The following GMCL1 variants were observed in gnomAD, a reference collection of about 807,000 sequenced individuals.
GMCL1 encodes germ cell-less protein-like 1.
In GMCL1, 54 loss-of-function variants were observed where a neutral mutation model predicts 75.5. That is an observed-to-expected ratio of 0.71 (90% CI 0.57 to 0.90). GMCL1 has a LOEUF of 0.90. Ranked by LOEUF, GMCL1 falls within the 40% of genes least tolerant of loss-of-function variation. The pLI, the probability that GMCL1 is intolerant of heterozygous loss-of-function variation, is 0.00. For missense variants in GMCL1, 537 were observed against 622.7 expected (o/e 0.86, Z 1.47); for synonymous variants, 210 against 209.6 (o/e 1.00, Z -0.02).
intron 11 of GMCL1, 133 bp from the exon 12 acceptor site, chr2:69,869,586 C>A: frequency 1.3e-6 from 1 of 760,216 alleles, no homozygotes; most frequent in Non-Finnish European, 2.1e-6. Context: ...AAGAAAAAGT[C>A]ACTGACAAAA....
intron 1 of GMCL1, among the ~76,000 whole-genome samples, chr2:69,836,781 T>C (rs928147125): frequency 6.6e-6 from 1 of 152,202 alleles, no homozygotes; most frequent in African/African-American, 2.4e-5. Context: ...AGTCTTCCTT[T>C]AAATTAAATC....
chr2:69,861,839 T>C (rs1012446832), intron 10 of GMCL1, among the ~76,000 whole-genome samples: 3 of 152,116 alleles, frequency 2.0e-5, no homozygotes, highest in African/African-American at 7.2e-5. Flanking sequence ...TCCCAGCACT[T>C]TGGGAGGCTG....
Position 69,829,934 on chromosome 2 carries a change from A to C in GMCL1, c.42A>C (p.Pro14=). 6.2e-7 allele frequency: 1 copy of C among 1,604,676 alleles called. No individual in the cohort carries two copies. The highest frequency in any genetic ancestry group is 8.5e-7 in the Non-Finnish European group (1 of 1,175,750). ...GCCGGGTGCTGCGCCAGCCAAGACC[A>C]GCCCTTGCCCAGCAGGCGCAGGGTG... ...LSSRVLRQPR[P]ALAQQAQGAR... Residue 14 remains proline (P), a synonymous_variant, in exon 1 of 14, where the codon CCA becomes CCC. Coordinates refer to ENST00000282570, the MANE Select transcript of GMCL1 (RefSeq NM_178439.5).
At position 69,847,502 on chromosome 2, in the gene GMCL1, T is replaced by C. The variant is rs761040569; in HGVS notation, c.759-41T>C. 32 of 1,185,016 alleles carry C rather than the reference T, an allele frequency of 2.7e-5. 1 individual carries two copies. Among genetic ancestry groups the C allele is most frequent in the South Asian group, 2.2e-4 (18 of 82,066 alleles). 73.4% of individuals were successfully genotyped at this position (1,185,016 alleles called of 1,614,324 possible). ...ATTTCTACCAGGATCCTTTAGCCTG[T>C]GCCTAAAGATAAGCTCACTCCCTCT... is the stretch of plus-strand genomic sequence containing the variant. On this transcript the variant is annotated intron_variant, in intron 6 of 13. Transcript: ENST00000282570.
intron 8 of GMCL1, among the ~76,000 whole-genome samples, chr2:69,851,639 A>G (rs1252281972): frequency 6.6e-6 from 1 of 151,932 alleles, no homozygotes; most frequent in Non-Finnish European, 1.5e-5. Context: ...GCGTGGTGGC[A>G]TGTACTTGTC....
At chr2:69,875,756 G>A (rs1390737763) in intron 13 of GMCL1, among the ~76,000 whole-genome samples, 1 of 150,986 alleles carries the variant, frequency 6.6e-6, no homozygotes. Flanking sequence ...ATGCAGTGGC[G>A]TGATCTCAGC....
intron 10 of GMCL1, 104 bp from the exon 11 acceptor site, chr2:69,864,796 T>G (rs1675762099): frequency 1.4e-6 from 1 of 726,210 alleles, no homozygotes; most frequent in African/African-American, 1.8e-5. Flanking sequence ...CAAAAACTTA[T>G]TTTTAAATCT....
rs1674608726 is a variant in GMCL1 at position 69,829,675 on chromosome 2, C to G, written c.-218C>G. Reference sequence around the variant, plus strand: ...TCCGTCCCGCGCTTTGTTGCGAAAGCGAGGGGGCGAGGTGCTGCGGTGCTA... The same window carrying G: ...TCCGTCCCGCGCTTTGTTGCGAAAGGGAGGGGGCGAGGTGCTGCGGTGCTA... On this transcript the variant is annotated 5_prime_UTR_variant, in exon 1 of 14. Coordinates refer to ENST00000282570, the MANE Select transcript of GMCL1 (RefSeq NM_178439.5). 1 of 529,578 alleles carries G rather than the reference C, an allele frequency of 1.9e-6. No individual in the cohort carries two copies. Among genetic ancestry groups the G allele is most frequent in the African/African-American group, 2.0e-5 (1 of 49,304 alleles). The allele number at this position is 529,578 out of a possible 1,614,324, so 32.8% of individuals were successfully genotyped here.
chr2:69,874,900 C>T (rs1157582206), intron 13 of GMCL1, among the ~76,000 whole-genome samples: 1 of 151,950 alleles, frequency 6.6e-6, no homozygotes, highest in East Asian at 1.9e-4. Flanking sequence ...CACCACCATG[C>T]CCAGCTAACT....
chr2:69,833,573 G>A (rs1558535416), intron 1 of GMCL1, among the ~76,000 whole-genome samples: 2 of 152,220 alleles, frequency 1.3e-5, no homozygotes, highest in Admixed American at 6.5e-5. Context: ...CCAAGATTGC[G>A]CCACTGCGCT....
intron 7 of GMCL1, among the ~76,000 whole-genome samples, chr2:69,848,760 T>C (rs530752448): frequency 5.1e-4 from 78 of 152,314 alleles, no homozygotes; most frequent in African/African-American, 1.8e-3. Flanking sequence ...TCTAAGTATT[T>C]ATGTATATTA....
chr2:69,877,607 A>G (rs1279279499), intron 13 of GMCL1, among the ~76,000 whole-genome samples: 1 of 152,172 alleles, frequency 6.6e-6, no homozygotes, highest in East Asian at 1.9e-4. Context: ...CTCTGGTGAC[A>G]CTTGTTAGCA....
intron 8 of GMCL1, among the ~76,000 whole-genome samples, chr2:69,850,786 G>T (rs1675295889): frequency 6.6e-6 from 1 of 152,128 alleles, no homozygotes; most frequent in Non-Finnish European, 1.5e-5. Context: ...TTGATTGCAA[G>T]CTACCAACAT....
At chr2:69,871,515 G>A (rs755342515) in intron 12 of GMCL1, among the ~76,000 whole-genome samples, 7 of 152,136 alleles carry the variant, frequency 4.6e-5, no homozygotes, top group East Asian at 1.9e-4. Flanking sequence ...TAAATGTTAC[G>A]TATATTTTAC....
At chr2:69,858,911 G>A (rs1675557836) in intron 9 of GMCL1, among the ~76,000 whole-genome samples, 1 of 152,072 alleles carries the variant, frequency 6.6e-6, no homozygotes, top group Admixed American at 6.6e-5. Context: ...ACTTTGGAAG[G>A]CCGAGGCAGG....
Position 69,849,750 on chromosome 2 carries a change from T to A in GMCL1, c.934+8T>A, listed in dbSNP as rs1213884203. 2 of 1,531,618 alleles carry A rather than the reference T, an allele frequency of 1.3e-6. No homozygotes were observed. The highest frequency in any genetic ancestry group is 1.8e-6 in the Non-Finnish European group (2 of 1,136,712). The allele number at this position is 1,531,618 out of a possible 1,614,324, so 94.9% of individuals were successfully genotyped here. On this transcript the variant is annotated splice_region_variant and intron_variant, in intron 8 of 13. Coordinates refer to ENST00000282570, the MANE Select transcript of GMCL1 (RefSeq NM_178439.5). ...TTTCTAAACAGAGGAAAGGTAGGCC[T>A]GAAGTTTTTGAGAACTTGTCTTTTA...
chr2:69,875,699 TC>T (rs1676111059), intron 13 of GMCL1, among the ~76,000 whole-genome samples: 1 of 151,590 alleles, frequency 6.6e-6, no homozygotes, highest in Non-Finnish European at 1.5e-5. Flanking sequence ...ATTTTACATT[TC>T]TTTTTTTTTT....
chr2:69,841,058 C>T lies in GMCL1; in HGVS notation c.579+19C>T, dbSNP rs374059488. 71 of 1,556,320 alleles carry T rather than the reference C, an allele frequency of 4.6e-5. No homozygotes were observed. The highest frequency in any genetic ancestry group is 5.5e-5 in the Non-Finnish European group (62 of 1,128,656). ...GCAGTTGGTAAGTATGCACGTTATT[C>T]GAAGAAAGGTTCAGAATAATAATCT... On this transcript the variant is annotated intron_variant, in intron 4 of 13. Transcript: ENST00000282570.
intron 9 of GMCL1, among the ~76,000 whole-genome samples, chr2:69,860,033 C>G (rs1029203579): frequency 1.3e-5 from 2 of 152,090 alleles, no homozygotes; most frequent in Non-Finnish European, 2.9e-5. Context: ...CAGGTTCTTG[C>G]TCTGTTGCCC....
Sources: allele counts gnomAD v4.1 joint callset (sites outside exome capture counted in the v4.1 genomes callset), GRCh38; gene constraint gnomAD v4.1.1; transcripts MANE v1.5; gene names NCBI Gene and HGNC (gene_info 2026-07-23, HGNC 2026-07-21).